EDIL3: variants seen among roughly 807,000 people sequenced by gnomAD.
The protein encoded by EDIL3 is EGF-like repeat and discoidin I-like domain-containing protein 3.
EDIL3 carries 37 observed loss-of-function variants against 67.4 expected under a neutral mutation model. The ratio of observed to expected loss-of-function variants is 0.55; its 90% CI spans 0.42 to 0.72. The LOEUF is 0.72. Ranked by LOEUF, EDIL3 falls within the 30% of genes least tolerant of loss-of-function variation. The probability of loss-of-function intolerance (pLI) is 0.00; values close to 1 mark genes in which losing one functional copy is unlikely to be tolerated. For missense variants in EDIL3, 527 were observed against 586.3 expected, an observed-to-expected ratio of 0.90 and a Z score of 1.04; for synonymous variants, 195 against 196.3, an observed-to-expected ratio of 0.99 and a Z score of 0.05.
intron 1 of EDIL3, among the ~76,000 whole-genome samples, chr5:84,335,383 C>T (rs1012151550): frequency 1.3e-5 from 2 of 152,126 alleles, no homozygotes; most frequent in African/African-American, 2.4e-5. Flanking sequence ...TTCTTCTGTT[C>T]ATTCTCCTTT....
Position 84,019,786 on chromosome 5 carries a change from G to A in EDIL3, c.1137+40514C>T, listed in dbSNP as rs111722120. On this transcript the variant is annotated intron_variant, in intron 9 of 10. Transcript: ENST00000296591. ...TAGGCAAGACCTGTTTTCTAATTAGGTAAATTTGAAAAAGCCCAAAATGAG... is the reference window on the plus strand; with the variant it reads ...TAGGCAAGACCTGTTTTCTAATTAGATAAATTTGAAAAAGCCCAAAATGAG... 2.1e-3 allele frequency among the ~76,000 whole-genome samples: 314 copies of A among 152,038 alleles called. 1 individual carries two copies. Among genetic ancestry groups the A allele is most frequent in the African/African-American group, 7.2e-3 (297 of 41,508 alleles).
intron 9 of EDIL3, among the ~76,000 whole-genome samples, chr5:84,001,569 C>T (rs1016775723): frequency 4.0e-5 from 6 of 151,720 alleles, no homozygotes; most frequent in African/African-American, 1.5e-4. Context: ...AAAAAAGAGA[C>T]AAGACCCAAA....
At chr5:83,974,400 A>T (rs1220349915) in intron 9 of EDIL3, among the ~76,000 whole-genome samples, 4 of 151,942 alleles carry the variant, frequency 2.6e-5, no homozygotes, top group Non-Finnish European at 4.4e-5. Flanking sequence ...GAGATGACTC[A>T]GCAGGAACAG....
intron 1 of EDIL3, among the ~76,000 whole-genome samples, chr5:84,375,133 A>G (rs1380314836): frequency 6.6e-6 from 1 of 151,766 alleles, no homozygotes; most frequent in East Asian, 1.9e-4. Context: ...CACCACGCCC[A>G]GCTATTTTTT....
At chr5:84,254,390 T>C (rs1018348284) in intron 1 of EDIL3, among the ~76,000 whole-genome samples, 178 bp from the exon 2 acceptor site, 3 of 152,142 alleles carry the variant, frequency 2.0e-5, no homozygotes, top group African/African-American at 7.2e-5. Flanking sequence ...AAAAATACTA[T>C]GTAACATGGC....
intron 1 of EDIL3, among the ~76,000 whole-genome samples, chr5:84,355,262 G>C (rs568327631): frequency 1.3e-5 from 2 of 151,130 alleles, no homozygotes; most frequent in Non-Finnish European, 1.5e-5. Context: ...CCTTTCTTCC[G>C]CTTGATTAAT....
intron 6 of EDIL3, among the ~76,000 whole-genome samples, chr5:84,070,735 C>T (rs572851729): frequency 6.6e-6 from 1 of 151,952 alleles, no homozygotes; most frequent in South Asian, 2.1e-4. Context: ...CTGGTCCTCT[C>T]TACTGAATCC....
chr5:84,180,297 C>T, intron 4 of EDIL3, 96 bp downstream of exon 4: 1 of 1,382,348 alleles, frequency 7.2e-7, no homozygotes. Flanking sequence ...CTCTTCTGCT[C>T]TCAGATTCTA....
chr5:83,983,381 G>A (rs1218763543), intron 9 of EDIL3, among the ~76,000 whole-genome samples: 1 of 152,104 alleles, frequency 6.6e-6, no homozygotes, highest in African/African-American at 2.4e-5. Context: ...AAATGAAAGA[G>A]ATTGGATCAG....
chr5:84,368,604 C>T (rs550503258), intron 1 of EDIL3, among the ~76,000 whole-genome samples: 2 of 151,520 alleles, frequency 1.3e-5, no homozygotes, highest in South Asian at 2.1e-4. Context: ...AAGGCACAGG[C>T]AACAAAAGAA....
intron 5 of EDIL3, among the ~76,000 whole-genome samples, chr5:84,133,653 G>T (rs1029596686): frequency 4.0e-5 from 6 of 151,552 alleles, no homozygotes; most frequent in African/African-American, 1.5e-4. Context: ...TAAATAAAAT[G>T]AACAAGGGAA....
chr5:84,214,485 T>C (rs1744187646), intron 3 of EDIL3, among the ~76,000 whole-genome samples: 1 of 152,138 alleles, frequency 6.6e-6, no homozygotes, highest in Non-Finnish European at 1.5e-5. Flanking sequence ...TGTTTCTTAT[T>C]AATATTTTGT....
chr5:84,076,247 T>C (rs1309581892), intron 6 of EDIL3, among the ~76,000 whole-genome samples: 1 of 152,100 alleles, frequency 6.6e-6, no homozygotes, highest in Non-Finnish European at 1.5e-5. Flanking sequence ...AGGAAGAAAA[T>C]GTAGCTTCAT....
chr5:83,968,282 T>C (rs1036240792), intron 9 of EDIL3, among the ~76,000 whole-genome samples: 26 of 152,092 alleles, frequency 1.7e-4, no homozygotes, highest in Admixed American at 1.3e-3. Flanking sequence ...ATCTAAAGTT[T>C]GGAATCCTTA....
Position 83,943,587 on chromosome 5 carries a change from A to AAAATGTC in EDIL3, c.1294-26_1294-20dup. ...GGAAAACCTAATAAAGAAGAGCAGA[A>AAAATGTC]AAATGTCAGTCACACAGCCTTCTTT... On this transcript the variant is annotated intron_variant, in intron 10 of 10. Transcript: ENST00000296591. 6.2e-7 allele frequency: 1 copy of AAAATGTC among 1,610,570 alleles called. No individual in the cohort carries two copies. The highest frequency in any genetic ancestry group is 8.5e-7 in the Non-Finnish European group (1 of 1,177,916).
intron 1 of EDIL3, among the ~76,000 whole-genome samples, chr5:84,283,672 G>A (rs1745747147): frequency 6.6e-6 from 1 of 152,030 alleles, no homozygotes; most frequent in Non-Finnish European, 1.5e-5. Context: ...TTATCACTGG[G>A]CACCACAGTG....
chr5:84,120,390 T>A (rs1251821310), intron 5 of EDIL3, among the ~76,000 whole-genome samples: 1 of 152,022 alleles, frequency 6.6e-6, no homozygotes, highest in Admixed American at 6.6e-5. Flanking sequence ...CTTGGCTGAC[T>A]AGTGGTTGAA....
At chr5:84,131,949 G>C (rs1333771248) in intron 5 of EDIL3, among the ~76,000 whole-genome samples, 1 of 151,744 alleles carries the variant, frequency 6.6e-6, no homozygotes, top group Non-Finnish European at 1.5e-5. Context: ...AAAGAATATA[G>C]GGGCTGGGCA....
chr5:84,020,554 A>G (rs1745696598), intron 9 of EDIL3, among the ~76,000 whole-genome samples: 1 of 151,920 alleles, frequency 6.6e-6, no homozygotes, highest in African/African-American at 2.4e-5. Flanking sequence ...AATAATTTTT[A>G]CTAGATTAAA....
Sources: gnomAD v4.1 joint callset for allele counts (sites outside exome capture counted in the v4.1 genomes callset) on GRCh38, gnomAD v4.1.1 for gene constraint, MANE v1.5 for transcripts, NCBI Gene and HGNC (gene_info 2026-07-23, HGNC 2026-07-21) for gene names.